The following WWOX variants were observed in gnomAD, a reference collection of about 807,000 sequenced individuals.
The protein encoded by WWOX is WW domain containing oxidoreductase, also known as WW domain-containing oxidoreductase.
Under a neutral mutation model 46.2 loss-of-function variants are expected in WWOX, and 69 were observed. The observed-to-expected ratio is 1.49, with a 90% CI of 1.23 to 1.82. The LOEUF (loss-of-function observed/expected upper bound fraction) is 1.82. Among genes scored for constraint, WWOX ranks in the 40% most tolerant of loss-of-function variants. The pLI, the probability that WWOX is intolerant of heterozygous loss-of-function variation, is 0.00. For missense variants in WWOX, 919 were observed against 542.6 expected (o/e 1.69, Z -6.89); for synonymous variants, 359 against 202.6 (o/e 1.77, Z -6.56).
intron 8 of WWOX, among the ~76,000 whole-genome samples, chr16:78,446,425 G>A (rs1168207207): frequency 2.0e-5 from 3 of 152,082 alleles, no homozygotes; most frequent in Non-Finnish European, 2.9e-5. Context: ...TGCCTCAGGC[G>A]GTTGTTGCAA....
At chr16:78,181,135 AAG>A in intron 5 of WWOX, among the ~76,000 whole-genome samples, 1 of 152,276 alleles carries the variant, frequency 6.6e-6, no homozygotes, top group African/African-American at 2.4e-5. Flanking sequence ...CATACAGAGA[AAG>A]AGAGACACGC....
At chr16:78,481,748 T>TGTGTGTGTGC (rs1567598386) in intron 8 of WWOX, among the ~76,000 whole-genome samples, 2 of 150,472 alleles carry the variant, frequency 1.3e-5, no homozygotes, top group Non-Finnish European at 3.0e-5. Context: ...TGTGTGTGTG[T>TGTGTGTGTGC]GTGTGTGTGT....
chr16:78,646,529 G>A lies in WWOX; in HGVS notation c.1056+213777G>A, dbSNP rs569845725. Among the ~76,000 whole-genome samples the A allele has an allele frequency of 1.9e-4, 29 of 152,154 alleles. No homozygotes were observed. The East Asian group carries it at 5.0e-3, about 26-fold the overall frequency. ...TGCATCCCCTGTCTCCCGGATTCAAGCAATTCTCTGGCCTCAGCCTCTCTG... is the reference window on the plus strand; with the variant it reads ...TGCATCCCCTGTCTCCCGGATTCAAACAATTCTCTGGCCTCAGCCTCTCTG... On this transcript the variant is annotated intron_variant, in intron 8 of 8. Transcript: ENST00000566780.
chr16:78,862,056 A>G (rs370741286), intron 8 of WWOX, among the ~76,000 whole-genome samples: 1 of 140,096 alleles, frequency 7.1e-6, no homozygotes, highest in Admixed American at 7.2e-5. Flanking sequence ...ATATATATAG[A>G]GAGAGATATA....
chr16:78,943,274 A>G (rs1332770964), intron 8 of WWOX, among the ~76,000 whole-genome samples: 4 of 150,590 alleles, frequency 2.7e-5, no homozygotes, highest in East Asian at 3.8e-4. Context: ...TATTGTGCCC[A>G]TTTCCTGGAT....
intron 8 of WWOX, among the ~76,000 whole-genome samples, chr16:78,745,085 G>C (rs949468797): frequency 6.6e-6 from 1 of 152,108 alleles, no homozygotes; most frequent in South Asian, 2.1e-4. Flanking sequence ...GAGATCTCAA[G>C]AGGTAAAAAA....
chr16:78,765,766 A>C (rs1203565066), intron 8 of WWOX, among the ~76,000 whole-genome samples: 1 of 152,182 alleles, frequency 6.6e-6, no homozygotes, highest in Non-Finnish European at 1.5e-5. Flanking sequence ...GCATGGAGAG[A>C]AAACAGAGGC....
At chr16:79,114,333 T>C (rs1340740960) in intron 8 of WWOX, among the ~76,000 whole-genome samples, 4 of 150,280 alleles carry the variant, frequency 2.7e-5, no homozygotes, top group African/African-American at 9.9e-5. Flanking sequence ...CTGGTGTCTT[T>C]ATTAGAGAAA....
chr16:79,084,589 A>G (rs955992671), intron 8 of WWOX, among the ~76,000 whole-genome samples: 3 of 151,886 alleles, frequency 2.0e-5, no homozygotes, highest in Admixed American at 6.6e-5. Context: ...TACTTTTTGT[A>G]TTTTCAGTAA....
chr16:79,142,094 C>T (rs1013091700), intron 8 of WWOX, among the ~76,000 whole-genome samples: 1 of 152,170 alleles, frequency 6.6e-6, no homozygotes, highest in East Asian at 1.9e-4. Flanking sequence ...CCTGCCCTTA[C>T]TTCTTCCTGC....
chr16:78,580,372 C>T (rs1302207398), intron 8 of WWOX, among the ~76,000 whole-genome samples: 2 of 152,172 alleles, frequency 1.3e-5, no homozygotes, highest in East Asian at 3.9e-4. Flanking sequence ...CTGCACCTGG[C>T]CTCCAACAGA....
chr16:78,309,896 T>C (rs1037224134), intron 5 of WWOX, among the ~76,000 whole-genome samples: 5 of 152,116 alleles, frequency 3.3e-5, no homozygotes, highest in Admixed American at 6.5e-5. Flanking sequence ...CCTATGTAAA[T>C]AGGGATAATA....
intron 8 of WWOX, among the ~76,000 whole-genome samples, chr16:78,818,080 C>G (rs1477225879): frequency 3.3e-5 from 5 of 152,190 alleles, no homozygotes; most frequent in Non-Finnish European, 5.9e-5. Flanking sequence ...CCCATCAGAG[C>G]TAATCCCTAT....
At chr16:78,491,474 C>G (rs982131857) in intron 8 of WWOX, among the ~76,000 whole-genome samples, 4 of 151,876 alleles carry the variant, frequency 2.6e-5, no homozygotes, top group Admixed American at 6.6e-5. Context: ...TTTCTTTGTT[C>G]TTTTTTTTGA....
At chr16:78,449,122 G>C (rs545314733) in intron 8 of WWOX, among the ~76,000 whole-genome samples, 4 of 152,286 alleles carry the variant, frequency 2.6e-5, no homozygotes, top group African/African-American at 9.6e-5. Flanking sequence ...CGTGCTTGCT[G>C]GTAGGACTCA....
At chr16:78,968,995 T>A (rs2046417462) in intron 8 of WWOX, among the ~76,000 whole-genome samples, 1 of 152,192 alleles carries the variant, frequency 6.6e-6, no homozygotes, top group African/African-American at 2.4e-5. Flanking sequence ...AACTTTATAT[T>A]TCCAGATGGA....
In WWOX at chr16:78,597,518, T is replaced by C. The variant is rs112993279; in HGVS notation, c.1056+164766T>C. On this transcript the variant is annotated intron_variant, in intron 8 of 8. Coordinates refer to ENST00000566780, the MANE Select transcript of WWOX (RefSeq NM_016373.4). ...GCCCACCCCACAATATGCTTTGCTT[T>C]CTGCTTTCAGAAACAATACTGGTGA... Among the ~76,000 whole-genome samples, 52 of 152,334 alleles carry C rather than the reference T, an allele frequency of 3.4e-4. 1 individual carries two copies. Among genetic ancestry groups the C allele is most frequent in the African/African-American group, 1.2e-3 (51 of 41,578 alleles).
chr16:78,593,172 T>C, intron 8 of WWOX, among the ~76,000 whole-genome samples: 1 of 151,812 alleles, frequency 6.6e-6, no homozygotes, highest in East Asian at 1.9e-4. Context: ...TCCCCTGGAG[T>C]GTATCCTGAT....
intron 5 of WWOX, among the ~76,000 whole-genome samples, chr16:78,313,725 C>G (rs998713408): frequency 2.0e-5 from 3 of 152,320 alleles, no homozygotes; most frequent in Admixed American, 1.3e-4. Flanking sequence ...TCCCTGCCAT[C>G]TAAATGCTGA....
Sources: gnomAD v4.1 joint callset for allele counts (sites outside exome capture counted in the v4.1 genomes callset) on GRCh38, gnomAD v4.1.1 for gene constraint, MANE v1.5 for transcripts, NCBI Gene and HGNC (gene_info 2026-07-23, HGNC 2026-07-21) for gene names.